The following DGCR2 variants were observed in gnomAD, a reference collection of about 807,000 sequenced individuals.
DGCR2 encodes the protein integral membrane protein DGCR2/IDD.
DGCR2 carries 24 observed loss-of-function variants against 51.6 expected under a neutral mutation model. That is an observed-to-expected ratio of 0.47 (90% CI 0.34 to 0.65). DGCR2 has a LOEUF of 0.65. Among genes scored for constraint, DGCR2 ranks in the 30% least tolerant of loss-of-function variants. DGCR2 has a pLI of 0.01. For synonymous variants in DGCR2, 340 were observed against 315.4 expected (o/e 1.08, Z -0.82); for missense variants, 765 against 772.1 (o/e 0.99, Z 0.11).
At position 19,101,610 on chromosome 22, in the gene DGCR2, G is replaced by A. The variant is rs9605936; in HGVS notation, c.80-12120C>T. Among the ~76,000 whole-genome samples the A allele has an allele frequency of 1.8e-3, 281 of 152,004 alleles. 2 individuals carry two copies. In the South Asian group the frequency reaches 0.02, roughly 11 times the overall value. ...ACAAAAGTTAGCTGGGCGTGGTGGCGCACACCTGTAGTTCCAACTACTTGG... is the reference window on the plus strand; with the variant it reads ...ACAAAAGTTAGCTGGGCGTGGTGGCACACACCTGTAGTTCCAACTACTTGG... On this transcript the variant is annotated intron_variant, in intron 1 of 9. Transcript: ENST00000263196.
intron 4 of DGCR2, among the ~76,000 whole-genome samples, chr22:19,064,503 G>A (rs2082725520): frequency 6.6e-6 from 1 of 152,134 alleles, no homozygotes; most frequent in Non-Finnish European, 1.5e-5. Flanking sequence ...GGCCCACGAA[G>A]CCCCACACCA....
At chr22:19,102,062 A>G (rs1481729936) in intron 1 of DGCR2, among the ~76,000 whole-genome samples, 1 of 152,194 alleles carries the variant, frequency 6.6e-6, no homozygotes, top group Non-Finnish European at 1.5e-5. Flanking sequence ...ATAAAAAACA[A>G]AAGTGAATGT....
chr22:19,038,874 AGTATTGAGGG>A lies in DGCR2; in HGVS notation c.1634_1643del (p.Ser545LeufsTer101). On this transcript the variant is annotated frameshift_variant, in exon 10 of 10. Transcript: ENST00000263196. LOFTEE classifies it high-confidence loss of function. ...GTACAGGCCAGGCCGTCTACACCAC[AGTATTGAGGG>A]AGCTGCGGCTGTGGCGGCCACCCCC... is the stretch of plus-strand genomic sequence containing the variant. The A allele has an allele frequency of 6.2e-7, 1 of 1,612,924 alleles. No homozygotes were observed. Among genetic ancestry groups the A allele is most frequent in the Non-Finnish European group, 8.5e-7 (1 of 1,179,876 alleles).
Position 19,068,145 on chromosome 22 carries a change from A to T in DGCR2, c.283T>A (p.Ser95Thr). 6.2e-7 allele frequency: 1 copy of T among 1,610,326 alleles called. No individual in the cohort carries two copies. Among genetic ancestry groups the T allele is most frequent in the South Asian group, 1.1e-5 (1 of 90,752 alleles). The change falls in exon 3 of 10, where the codon TCG (serine) becomes ACG (threonine). Residue 95 changes from serine to threonine, a missense_variant. Physicochemically the swap from Ser to Thr is moderately conservative, Grantham distance 58. Transcript: ENST00000263196. ...RQGRARGGDP[S>T]HFHAVNVAQP... ...GCCACGTTCACCGCGTGGAAGTGCG[A>T]AGGGTCGCCTCCTCTGGCCCGCCCC...
Position 19,114,851 on chromosome 22 carries a change from T to C in DGCR2, c.79+7277A>G, listed in dbSNP as rs188895750. Among the ~76,000 whole-genome samples, 105 of 152,272 alleles carry C rather than the reference T, an allele frequency of 6.9e-4. 1 individual carries two copies. The highest frequency in any genetic ancestry group is 2.4e-3 in the African/African-American group (100 of 41,562). The stretch of plus-strand genomic sequence containing the variant: ...TACCTGGGGGACCCTTAGTCCACCA[T>C]ACCCACCAGAATACTGTCCTCAGTA... On this transcript the variant is annotated intron_variant, in intron 1 of 9. Coordinates refer to ENST00000263196, the MANE Select transcript of DGCR2 (RefSeq NM_005137.3).
At chr22:19,065,231 A>C in intron 3 of DGCR2, 164 bp from the exon 4 acceptor site, 1 of 614,488 alleles carries the variant, frequency 1.6e-6, no homozygotes, top group East Asian at 2.8e-5. Context: ...CATTGCAGAA[A>C]TGCTCAAGTT....
intron 1 of DGCR2, among the ~76,000 whole-genome samples, chr22:19,121,233 G>T (rs750715963): frequency 6.6e-5 from 10 of 152,174 alleles, no homozygotes; most frequent in Non-Finnish European, 1.5e-4. Flanking sequence ...TTAGTATAAA[G>T]ATGACTGTAT....
chr22:19,040,989 A>G, intron 9 of DGCR2, 69 bp downstream of exon 9: 2 of 1,361,772 alleles, frequency 1.5e-6, no homozygotes, highest in East Asian at 4.6e-5. Flanking sequence ...GCTGGGCAAG[A>G]GTGCTGGGCT....
chr22:19,038,762 G>T lies in DGCR2; in HGVS notation c.*103C>A. On this transcript the variant is annotated 3_prime_UTR_variant, in exon 10 of 10. Transcript: ENST00000263196. ...GCCCGCCAGTGACGTGCGGCAGTGC[G>T]TGGCGTCCAGGCTGGGACAGGGGCC... 1 of 1,465,760 alleles carries T rather than the reference G, an allele frequency of 6.8e-7. No homozygotes were observed. The highest frequency in any genetic ancestry group is 2.3e-5 in the East Asian group (1 of 43,680). The allele number at this position is 1,465,760 out of a possible 1,614,324, so 90.8% of individuals were successfully genotyped here. A position where few individuals can be genotyped will look rare whatever the true frequency, so the allele number is the denominator to read the frequency against.
chr22:19,099,198 G>T (rs998336797), intron 1 of DGCR2, among the ~76,000 whole-genome samples: 13 of 152,188 alleles, frequency 8.5e-5, no homozygotes, highest in Admixed American at 8.5e-4. Context: ...GTCAATTCCA[G>T]GACATGACAG....
chr22:19,089,460 C>A lies in DGCR2; in HGVS notation c.110G>T (p.Cys37Phe). The A allele has an allele frequency of 6.2e-7, 1 of 1,603,414 alleles. No individual in the cohort carries two copies. Among genetic ancestry groups the A allele is most frequent in the Middle Eastern group, 1.7e-4 (1 of 6,042 alleles). Residue 37 changes from cysteine to phenylalanine, a missense_variant, in exon 2 of 10, where the codon TGT becomes TTT. Physicochemically the swap from Cys to Phe is radical, Grantham distance 205 (BLOSUM62 -2). Coordinates refer to ENST00000263196, the MANE Select transcript of DGCR2 (RefSeq NM_005137.3). ...GATGCACTGGATGGTGCCGCTGCGA[C>A]ACGCAAACTGCCCAGGGTTGCACCG... ...ELRCNPGQFA[C>F]RSGTIQCIPL...
In DGCR2 at chr22:19,063,231, A is replaced by G. The variant is rs779539305; in HGVS notation, c.596T>C (p.Leu199Ser). 6.2e-7 allele frequency: 1 copy of G among 1,614,218 alleles called. No homozygotes were observed. Among genetic ancestry groups the G allele is most frequent in the South Asian group, 1.1e-5 (1 of 91,082 alleles). Reference protein sequence around the residue: ...QYVITGRNRSLEGRWEVAFKG... With the variant: ...QYVITGRNRSSEGRWEVAFKG... ...GAATGCCACCTCCCAGCGACCTTCCAAGGAGCGGTTCCGGCCAGTGATAAC... is the reference window on the plus strand; with the variant it reads ...GAATGCCACCTCCCAGCGACCTTCCGAGGAGCGGTTCCGGCCAGTGATAAC... Residue 199 changes from leucine to serine, a missense_variant, in exon 5 of 10, where the codon TTG becomes TCG. Physicochemically the swap from Leu to Ser is moderately radical, Grantham distance 145. Coordinates refer to ENST00000263196, the MANE Select transcript of DGCR2 (RefSeq NM_005137.3).
intron 5 of DGCR2, 125 bp downstream of exon 5, chr22:19,063,077 C>A (rs890273898): frequency 7.0e-6 from 5 of 712,916 alleles, no homozygotes; most frequent in Non-Finnish European, 1.1e-5. Context: ...GCAACTGGGG[C>A]TCACCCACTC....
chr22:19,070,885 G>A (rs1451688416), intron 2 of DGCR2, among the ~76,000 whole-genome samples: 1 of 152,236 alleles, frequency 6.6e-6, no homozygotes, highest in Non-Finnish European at 1.5e-5. Context: ...AGCAAGAAGG[G>A]GAAGGGCTTG....
At position 19,041,222 on chromosome 22, in the gene DGCR2, G is replaced by GT; in HGVS notation, c.1231dup (p.Thr411AsnfsTer7). On this transcript the variant is annotated frameshift_variant, in exon 9 of 10. Transcript: ENST00000263196. LOFTEE classifies it high-confidence loss of function. ...TCCGTCGTCAGAAAGATGCAGCGGC[G>GT]TGAGGCCCGTGCCAAACCCGTCTGG... 6.2e-7 allele frequency: 1 copy of GT among 1,614,128 alleles called. No individual in the cohort carries two copies. Among genetic ancestry groups the GT allele is most frequent in the Non-Finnish European group, 8.5e-7 (1 of 1,180,012 alleles).
At chr22:19,098,417 C>T (rs2083165387) in intron 1 of DGCR2, among the ~76,000 whole-genome samples, 1 of 152,204 alleles carries the variant, frequency 6.6e-6, no homozygotes. Context: ...GCCACAGCTG[C>T]TCAACCCTGC....
chr22:19,071,913 G>T lies in DGCR2; in HGVS notation c.203-3688C>A, dbSNP rs149335229. 3.9e-4 allele frequency among the ~76,000 whole-genome samples: 59 copies of T among 152,238 alleles called. No individual in the cohort carries two copies. In the East Asian group the frequency reaches 0.011, roughly 28 times the overall value. Reference sequence around the variant, plus strand: ...GAAGAAAAACACAAAGAGCAACTGCGGCAGGTGAACCCGGGTAAAGGTGCG... The same window carrying T: ...GAAGAAAAACACAAAGAGCAACTGCTGCAGGTGAACCCGGGTAAAGGTGCG... On this transcript the variant is annotated intron_variant, in intron 2 of 9. Coordinates refer to ENST00000263196, the MANE Select transcript of DGCR2 (RefSeq NM_005137.3).
intron 1 of DGCR2, among the ~76,000 whole-genome samples, chr22:19,092,526 A>G (rs1421847026): frequency 6.6e-6 from 1 of 151,570 alleles, no homozygotes; most frequent in Non-Finnish European, 1.5e-5. Context: ...GTTCACTCCA[A>G]AATAAATAAA....
intron 1 of DGCR2, among the ~76,000 whole-genome samples, chr22:19,098,986 C>T (rs1569081578): frequency 6.6e-6 from 1 of 152,152 alleles, no homozygotes; most frequent in Admixed American, 6.5e-5. Flanking sequence ...CTGCACAGCT[C>T]AAAATCTTCC....
Sources: allele counts gnomAD v4.1 joint callset (sites outside exome capture counted in the v4.1 genomes callset), GRCh38; gene constraint gnomAD v4.1.1; transcripts MANE v1.5; gene names NCBI Gene and HGNC (gene_info 2026-07-23, HGNC 2026-07-21).